The following AMMECR1 variants were observed in gnomAD, a reference collection of about 807,000 sequenced individuals.
AMMECR1 encodes the protein AMMECR nuclear protein 1.
In AMMECR1, 3 loss-of-function variants were observed where a neutral mutation model predicts 22.5. The ratio of observed to expected loss-of-function variants is 0.13; its 90% CI spans 0.06 to 0.35. The LOEUF (loss-of-function observed/expected upper bound fraction) is 0.35, where lower values mean the gene tolerates loss of function less well. Among genes scored for constraint, AMMECR1 ranks in the 10% least tolerant of loss-of-function variants. AMMECR1 has a pLI of 1.00. For synonymous variants in AMMECR1, 130 were observed against 116.7 expected (o/e 1.11, Z -0.74); for missense variants, 235 against 278.7 (o/e 0.84, Z 1.12).
intron 2 of AMMECR1, among the ~76,000 whole-genome samples, chrX:110,382,719 C>T (rs1040411382): frequency 2.8e-4 from 31 of 111,687 alleles, no homozygotes; most frequent in African/African-American, 1.0e-3. Flanking sequence ...TTCAATTTGT[C>T]ACTCATTCCT....
chrX:110,385,167 G>A (rs755470252), intron 2 of AMMECR1, among the ~76,000 whole-genome samples: 3 of 110,988 alleles, frequency 2.7e-5, no homozygotes, highest in Non-Finnish European at 5.7e-5. Flanking sequence ...ATCACTTAAC[G>A]TTTGCATCCT....
intron 2 of AMMECR1, among the ~76,000 whole-genome samples, chrX:110,350,366 A>C (rs1479909060): frequency 1.8e-5 from 2 of 111,139 alleles, no homozygotes; most frequent in Non-Finnish European, 3.8e-5. Context: ...AAAGACTAAA[A>C]CTCTTCTGCT....
intron 2 of AMMECR1, among the ~76,000 whole-genome samples, chrX:110,418,364 C>T (rs989791123): frequency 1.8e-5 from 2 of 112,343 alleles, no homozygotes; most frequent in Admixed American, 9.4e-5. Flanking sequence ...TTCTACTGTG[C>T]TGAGAGCTGC....
chrX:110,328,801 CT>C (rs977336116), intron 2 of AMMECR1, among the ~76,000 whole-genome samples: 1 of 111,574 alleles, frequency 9.0e-6, no homozygotes, highest in African/African-American at 3.3e-5. Context: ...TGAACTCATC[CT>C]TTTTTATGGC....
intron 3 of AMMECR1, 79 bp downstream of exon 3, chrX:110,216,439 G>C: frequency 1.4e-6 from 1 of 702,438 alleles, no homozygotes; most frequent in Non-Finnish European, 2.2e-6. Context: ...GGCTGAAAGA[G>C]TTATTTTCTG....
At chrX:110,404,269 G>A (rs5985278) in intron 2 of AMMECR1, among the ~76,000 whole-genome samples, 1,204 of 110,516 alleles carry the variant, frequency 0.011, 10 homozygotes, top group Middle Eastern at 0.023. Flanking sequence ...TCCCTTAATC[G>A]TCTTCATTGC....
rs185620829 is a variant in AMMECR1, at chrX:110,352,015, C to T, written c.-147-34166G>A. Among the ~76,000 whole-genome samples, 3 of 112,024 alleles carry T rather than the reference C, an allele frequency of 2.7e-5. No homozygotes were observed. The East Asian group carries it at 8.4e-4, about 31-fold the overall frequency. On this transcript the variant is annotated intron_variant, in intron 2 of 7. Transcript: ENST00000372057. ...ATTGTTAGAGAAATGCAAACCCAAA[C>T]CACCATGAGATACCCCTTCATACCC... is the stretch of plus-strand genomic sequence containing the variant.
At chrX:110,369,112 C>T (rs908855198) in intron 2 of AMMECR1, among the ~76,000 whole-genome samples, 35 of 111,840 alleles carry the variant, frequency 3.1e-4, no homozygotes, top group Non-Finnish European at 5.6e-4. Context: ...GTGGGCAGAT[C>T]AGGAAGTCAG....
chrX:110,296,489 T>G (rs755077513), intron 1 of AMMECR1, among the ~76,000 whole-genome samples: 30 of 111,808 alleles, frequency 2.7e-4, no homozygotes, highest in Non-Finnish European at 4.9e-4. Context: ...TTTTATCCCC[T>G]TCAGGGACTC....
chrX:110,350,916 T>G (rs1220008359), intron 2 of AMMECR1, among the ~76,000 whole-genome samples: 1 of 110,910 alleles, frequency 9.0e-6, no homozygotes. Context: ...GAGACTGCAG[T>G]GAGTCATGAT....
intron 2 of AMMECR1, among the ~76,000 whole-genome samples, chrX:110,367,328 T>C: frequency 8.9e-6 from 1 of 112,107 alleles, no homozygotes; most frequent in Non-Finnish European, 1.9e-5. Context: ...TCTCCTCTCA[T>C]TTTCTCTTGA....
At chrX:110,381,446 G>GA (rs1026992932) in intron 2 of AMMECR1, among the ~76,000 whole-genome samples, 6 of 111,950 alleles carry the variant, frequency 5.4e-5, no homozygotes, top group Admixed American at 2.8e-4. Context: ...AGGTTGCAGT[G>GA]AAAAGGGAAT....
At chrX:110,277,058 A>T (rs1404204063) in intron 1 of AMMECR1, among the ~76,000 whole-genome samples, 1 of 110,957 alleles carries the variant, frequency 9.0e-6, no homozygotes, top group Non-Finnish European at 1.9e-5. Context: ...CCGATGTCTA[A>T]AAACAGTTGT....
intron 2 of AMMECR1, among the ~76,000 whole-genome samples, chrX:110,400,226 G>T (rs2068555167): frequency 9.5e-6 from 1 of 105,204 alleles, no homozygotes; most frequent in Admixed American, 1.1e-4. Context: ...TAGATATCTT[G>T]TATGCCAGAT....
chrX:110,403,228 A>T (rs1342728478), intron 2 of AMMECR1, among the ~76,000 whole-genome samples: 1 of 111,936 alleles, frequency 8.9e-6, no homozygotes, highest in African/African-American at 3.3e-5. Flanking sequence ...CACATTGCAA[A>T]CCTCACAGAG....
intron 2 of AMMECR1, among the ~76,000 whole-genome samples, chrX:110,326,487 T>A (rs1032712916): frequency 1.8e-5 from 2 of 112,143 alleles, no homozygotes; most frequent in African/African-American, 6.5e-5. Flanking sequence ...TTGGTGTGAT[T>A]TCAATCCTTT....
intron 2 of AMMECR1, among the ~76,000 whole-genome samples, chrX:110,380,476 A>G (rs2068411528): frequency 8.9e-6 from 1 of 112,222 alleles, no homozygotes; most frequent in African/African-American, 3.2e-5. Flanking sequence ...AACATTCCAC[A>G]CTCATTAATT....
chrX:110,255,778 A>G (rs1275095715), intron 2 of AMMECR1, among the ~76,000 whole-genome samples: 2 of 112,261 alleles, frequency 1.8e-5, no homozygotes, highest in African/African-American at 3.2e-5. Context: ...AGACAATAAC[A>G]TGCTAATCTA....
chrX:110,267,209 T>A (rs1248408742), intron 1 of AMMECR1, among the ~76,000 whole-genome samples: 1 of 110,999 alleles, frequency 9.0e-6, no homozygotes, highest in African/African-American at 3.3e-5. Context: ...TACCCAGTAA[T>A]GGGATTGCTG....
Sources: allele counts gnomAD v4.1 joint callset (sites outside exome capture counted in the v4.1 genomes callset), GRCh38; gene constraint gnomAD v4.1.1; transcripts MANE v1.5; gene names NCBI Gene and HGNC (gene_info 2026-07-23, HGNC 2026-07-21).